NTM: variants seen among roughly 807,000 people sequenced by gnomAD.
The protein encoded by NTM is neurotrimin, also known as IgLON family member 2.
A neutral mutation model predicts 42.1 loss-of-function variants in NTM; 13 were observed. The observed-to-expected ratio is 0.31, with a 90% CI of 0.20 to 0.49. The LOEUF is 0.49. NTM is among the 20% of genes least tolerant of loss of function. The probability of loss-of-function intolerance (pLI) is 0.99; values close to 1 mark genes in which losing one functional copy is unlikely to be tolerated. For missense variants in NTM, 373 were observed against 452.8 expected (o/e 0.82, Z 1.60); for synonymous variants, 187 against 179.2 (o/e 1.04, Z -0.35).
intron 1 of NTM, among the ~76,000 whole-genome samples, chr11:131,577,929 C>T (rs1003520337): frequency 1.3e-5 from 2 of 152,116 alleles, no homozygotes; most frequent in Admixed American, 6.5e-5. Context: ...AGCTTTATTG[C>T]AATGACAAAG....
At chr11:131,491,442 G>A (rs1451953897) in intron 1 of NTM, among the ~76,000 whole-genome samples, 2 of 151,836 alleles carry the variant, frequency 1.3e-5, no homozygotes, top group Admixed American at 1.3e-4. Context: ...ATTATTACTT[G>A]TGATTTCTCA....
chr11:131,795,735 A>C, intron 1 of NTM: 1 of 985,328 alleles, frequency 1.0e-6, no homozygotes, highest in South Asian at 4.7e-5. Flanking sequence ...AGGTGGTGAC[A>C]GTGTAGTGGT....
At chr11:131,900,657 G>C (rs1000055499) in intron 1 of NTM, among the ~76,000 whole-genome samples, 1 of 151,784 alleles carries the variant, frequency 6.6e-6, no homozygotes, top group South Asian at 2.1e-4. Flanking sequence ...GAAAGAGGGA[G>C]AGAGAGAGAG....
intron 1 of NTM, among the ~76,000 whole-genome samples, chr11:131,905,093 T>A (rs975830554): frequency 6.6e-6 from 1 of 152,190 alleles, no homozygotes. Context: ...ATGAGAAGCC[T>A]GGGAGCAGCC....
intron 1 of NTM, among the ~76,000 whole-genome samples, chr11:131,422,419 A>G (rs2135838861): frequency 6.6e-6 from 1 of 152,316 alleles, no homozygotes; most frequent in African/African-American, 2.4e-5. Context: ...TGTTAGATTG[A>G]GAAATGTATG....
At chr11:131,435,746 ACTT>A (rs975855438) in intron 1 of NTM, among the ~76,000 whole-genome samples, 15 of 152,284 alleles carry the variant, frequency 9.9e-5, no homozygotes, top group Non-Finnish European at 2.1e-4. Flanking sequence ...GGACAATTTG[ACTT>A]CTTCTTTTCC....
chr11:131,622,559 C>T (rs184757436), intron 1 of NTM, among the ~76,000 whole-genome samples: 99 of 152,280 alleles, frequency 6.5e-4, no homozygotes, highest in African/African-American at 2.3e-3. Flanking sequence ...AAATTAACCA[C>T]TATTTGGTAG....
chr11:131,635,497 T>A (rs539910985), intron 1 of NTM, among the ~76,000 whole-genome samples: 1 of 152,220 alleles, frequency 6.6e-6, no homozygotes, highest in African/African-American at 2.4e-5. Flanking sequence ...TAAAGAAAGA[T>A]AATGTTTTTG....
intron 1 of NTM, among the ~76,000 whole-genome samples, chr11:131,377,069 G>A (rs1942068285): frequency 6.6e-6 from 1 of 152,174 alleles, no homozygotes; most frequent in African/African-American, 2.4e-5. Flanking sequence ...AGACTTCATG[G>A]CACAGCCTCT....
intron 7 of NTM, among the ~76,000 whole-genome samples, chr11:132,318,532 C>G (rs997573358): frequency 9.8e-5 from 15 of 152,318 alleles, no homozygotes; most frequent in African/African-American, 3.6e-4. Flanking sequence ...TCTCCCGCGT[C>G]TCTTGCCTGT....
At chr11:131,428,112 G>T (rs1362494019) in intron 1 of NTM, among the ~76,000 whole-genome samples, 1 of 152,180 alleles carries the variant, frequency 6.6e-6, no homozygotes, top group Non-Finnish European at 1.5e-5. Context: ...ACTTGAATAT[G>T]CAAGAGGCCT....
At chr11:131,746,613 T>C (rs1440934650) in intron 1 of NTM, among the ~76,000 whole-genome samples, 1 of 152,222 alleles carries the variant, frequency 6.6e-6, no homozygotes, top group Admixed American at 6.5e-5. Flanking sequence ...CAGTTTCAGG[T>C]TATGCTCAGA....
chr11:132,036,394 C>T lies in NTM; in HGVS notation c.168-109888C>T, dbSNP rs550342974. Among the ~76,000 whole-genome samples, 5 of 152,208 alleles carry T rather than the reference C, an allele frequency of 3.3e-5. No homozygotes were observed. The South Asian group carries it at 6.2e-4, about 19-fold the overall frequency. ...GAATATTCTGACCCATTCCACTCAGCGAGGAGATGACAATATCAACCCCAA... is the reference window on the plus strand; with the variant it reads ...GAATATTCTGACCCATTCCACTCAGTGAGGAGATGACAATATCAACCCCAA... On this transcript the variant is annotated intron_variant, in intron 2 of 8. Coordinates refer to ENST00000683400, the MANE Select transcript of NTM (RefSeq NM_001352005.2).
intron 2 of NTM, among the ~76,000 whole-genome samples, chr11:132,060,904 GT>G (rs1377444829): frequency 6.6e-6 from 1 of 152,168 alleles, no homozygotes; most frequent in Admixed American, 6.5e-5. Flanking sequence ...GAATGTTTGT[GT>G]TAGAGCATCT....
At chr11:131,451,007 T>C (rs1950442961) in intron 1 of NTM, among the ~76,000 whole-genome samples, 1 of 152,134 alleles carries the variant, frequency 6.6e-6, no homozygotes, top group African/African-American at 2.4e-5. Context: ...GTTATGCCCA[T>C]TTCACACAGT....
chr11:132,223,823 A>G (rs898480150), intron 4 of NTM, among the ~76,000 whole-genome samples: 1 of 152,208 alleles, frequency 6.6e-6, no homozygotes, highest in African/African-American at 2.4e-5. Context: ...GTTCAGGCCA[A>G]TGGCGGGGGT....
intron 3 of NTM, among the ~76,000 whole-genome samples, chr11:132,184,846 A>C (rs571813094): frequency 6.6e-6 from 1 of 152,344 alleles, no homozygotes; most frequent in East Asian, 1.9e-4. Flanking sequence ...GTACCATGTC[A>C]TTGTGAACCT....
chr11:131,598,842 T>C lies in NTM; in HGVS notation c.82+227954T>C, dbSNP rs1163058178. Among the ~76,000 whole-genome samples the C allele has an allele frequency of 1.9e-3, 65 of 34,498 alleles. 7 individuals are homozygous for C. The highest frequency in any genetic ancestry group is 4.3e-3 in the African/African-American group (46 of 10,600). The allele number at this position is 34,498 out of a possible 152,430, so 22.6% of individuals were successfully genotyped here. On this transcript the variant is annotated intron_variant, in intron 1 of 8. Transcript: ENST00000683400. Reference sequence around the variant, plus strand: ...TCTTTCTTTCTTCTTTCTTTCTTTCTTTCTTTCTTCCTTCCTTCCTTCCTT... The same window carrying C: ...TCTTTCTTTCTTCTTTCTTTCTTTCCTTCTTTCTTCCTTCCTTCCTTCCTT...
At chr11:132,321,634 T>A (rs2095570768) in intron 7 of NTM, among the ~76,000 whole-genome samples, 2 of 152,074 alleles carry the variant, frequency 1.3e-5, no homozygotes, top group Admixed American at 1.3e-4. Context: ...ATTTCCCCAA[T>A]CTAGCAAGGC....
Sources: gnomAD v4.1 joint callset for allele counts (sites outside exome capture counted in the v4.1 genomes callset) on GRCh38, gnomAD v4.1.1 for gene constraint, MANE v1.5 for transcripts, NCBI Gene and HGNC (gene_info 2026-07-23, HGNC 2026-07-21) for gene names.